Variants in KIAA0825 observed in about 807,000 individuals in gnomAD.
KIAA0825 encodes uncharacterized protein KIAA0825.
A neutral mutation model predicts 147.6 loss-of-function variants in KIAA0825; 119 were observed. The ratio of observed to expected loss-of-function variants is 0.81; its 90% CI spans 0.69 to 0.94. KIAA0825 has a LOEUF of 0.94. Among genes scored for constraint, KIAA0825 ranks in the 40% least tolerant of loss-of-function variants. The probability of loss-of-function intolerance (pLI) is 0.00; values close to 1 mark genes in which losing one functional copy is unlikely to be tolerated. For missense variants in KIAA0825, 1,381 were observed against 1,472.7 expected (o/e 0.94, Z 1.02); for synonymous variants, 470 against 518.1 (o/e 0.91, Z 1.26).
chr5:94,227,614 G>A (rs34068652), intron 20 of KIAA0825, among the ~76,000 whole-genome samples: 15,821 of 150,582 alleles, frequency 0.11, 931 homozygotes, highest in Middle Eastern at 0.15. Flanking sequence ...AAAATATGGC[G>A]CAAATACACC....
chr5:94,301,834 CAAAG>C (rs1466969645), intron 20 of KIAA0825, among the ~76,000 whole-genome samples: 1 of 152,076 alleles, frequency 6.6e-6, no homozygotes, highest in Non-Finnish European at 1.5e-5. Context: ...TAGGTTTTCA[CAAAG>C]AAAGACTAAC....
chr5:94,461,527 T>G (rs1039723899), intron 12 of KIAA0825, among the ~76,000 whole-genome samples: 10 of 151,930 alleles, frequency 6.6e-5, no homozygotes, highest in African/African-American at 2.4e-4. Context: ...GCTCTCAACT[T>G]GGGTTGCTAG....
chr5:94,400,087 TC>T (rs1284848420), intron 16 of KIAA0825, among the ~76,000 whole-genome samples: 1 of 152,096 alleles, frequency 6.6e-6, no homozygotes, highest in Non-Finnish European at 1.5e-5. Flanking sequence ...AACCAGTATA[TC>T]CTTAGCTGTG....
chr5:94,184,712 C>T (rs1258271622), intron 20 of KIAA0825, among the ~76,000 whole-genome samples: 1 of 152,122 alleles, frequency 6.6e-6, no homozygotes, highest in Non-Finnish European at 1.5e-5. Flanking sequence ...TATATATACA[C>T]ATATACACAC....
intron 14 of KIAA0825, among the ~76,000 whole-genome samples, chr5:94,427,301 A>C (rs1755019147): frequency 6.6e-6 from 1 of 152,164 alleles, no homozygotes; most frequent in Admixed American, 6.5e-5. Flanking sequence ...TGGGAGGTCG[A>C]GTAGGGAGGA....
At chr5:94,575,385 A>T (rs957195153) in intron 2 of KIAA0825, among the ~76,000 whole-genome samples, 2 of 152,058 alleles carry the variant, frequency 1.3e-5, no homozygotes, top group African/African-American at 4.8e-5. Context: ...GATAGATCTG[A>T]AATGACTTTC....
intron 20 of KIAA0825, among the ~76,000 whole-genome samples, chr5:94,215,872 T>C (rs1773147449): frequency 6.6e-6 from 1 of 152,024 alleles, no homozygotes; most frequent in Admixed American, 6.6e-5. Flanking sequence ...CCCCTAAGCA[T>C]CCCTGAGGAC....
intron 6 of KIAA0825, among the ~76,000 whole-genome samples, chr5:94,478,740 A>G (rs772475371): frequency 7.2e-5 from 11 of 152,230 alleles, no homozygotes; most frequent in Non-Finnish European, 1.2e-4. Flanking sequence ...TTAAATAAAG[A>G]AAAATGCAAC....
chr5:94,548,891 T>G (rs965641554), intron 2 of KIAA0825, among the ~76,000 whole-genome samples: 8 of 152,202 alleles, frequency 5.3e-5, no homozygotes, highest in African/African-American at 1.9e-4. Flanking sequence ...CAATTATAAA[T>G]ATATATGCAC....
chr5:94,468,084 AG>A (rs1354084257), intron 10 of KIAA0825, among the ~76,000 whole-genome samples: 55 of 152,360 alleles, frequency 3.6e-4, no homozygotes, highest in Non-Finnish European at 6.3e-4. Flanking sequence ...ATGTAATCAC[AG>A]GGTAACTATC....
chr5:94,579,708 T>C (rs764017080), intron 2 of KIAA0825, among the ~76,000 whole-genome samples: 14 of 152,226 alleles, frequency 9.2e-5, no homozygotes, highest in Admixed American at 4.6e-4. Flanking sequence ...ATTGCAGGTA[T>C]ACACTGAGTT....
chr5:94,345,862 T>C (rs983177065), intron 20 of KIAA0825, among the ~76,000 whole-genome samples: 1 of 152,044 alleles, frequency 6.6e-6, no homozygotes, highest in African/African-American at 2.4e-5. Flanking sequence ...CTTAAGGGCT[T>C]ACACCTCTAA....
chr5:94,221,656 C>G (rs1773675297), intron 20 of KIAA0825, among the ~76,000 whole-genome samples: 1 of 152,120 alleles, frequency 6.6e-6, no homozygotes, highest in Non-Finnish European at 1.5e-5. Flanking sequence ...CACAAACAGG[C>G]CTGAACTGAT....
intron 13 of KIAA0825, among the ~76,000 whole-genome samples, chr5:94,449,117 C>A (rs1203579648): frequency 6.6e-6 from 1 of 151,996 alleles, no homozygotes; most frequent in African/African-American, 2.4e-5. Flanking sequence ...AAGGAAACTG[C>A]ATAAACAAAG....
chr5:94,178,310 A>C (rs1159145015), intron 20 of KIAA0825, among the ~76,000 whole-genome samples: 1 of 151,764 alleles, frequency 6.6e-6, no homozygotes. Flanking sequence ...TTTGTGTCTT[A>C]TTGCACTAAC....
intron 2 of KIAA0825, among the ~76,000 whole-genome samples, chr5:94,563,110 G>A (rs1403018871): frequency 6.6e-6 from 1 of 151,938 alleles, no homozygotes; most frequent in African/African-American, 2.4e-5. Flanking sequence ...GGGAGGCCGA[G>A]GTGGGTGTAT....
At chr5:94,355,170 G>A (rs982287175) in intron 20 of KIAA0825, among the ~76,000 whole-genome samples, 1 of 152,180 alleles carries the variant, frequency 6.6e-6, no homozygotes, top group Non-Finnish European at 1.5e-5. Flanking sequence ...TTCTTTTGAT[G>A]TCTCATAGTG....
rs577627039 is a variant in KIAA0825, at chr5:94,496,156, A to G, written c.971-11226T>C. 1.4e-4 allele frequency among the ~76,000 whole-genome samples: 21 copies of G among 152,194 alleles called. 1 individual carries two copies. Among genetic ancestry groups the G allele is most frequent in the Non-Finnish European group, 2.5e-4 (17 of 68,044 alleles). ...AGCTCACGGGGCAAATCTGGCCCAG[A>G]GCCTATTTTGGTGCAGTTGGCAAGC... On this transcript the variant is annotated intron_variant, in intron 5 of 20. Coordinates refer to ENST00000682413, the MANE Select transcript of KIAA0825 (RefSeq NM_001145678.3).
chr5:94,284,965 G>C (rs1777606705), intron 20 of KIAA0825, among the ~76,000 whole-genome samples: 1 of 152,066 alleles, frequency 6.6e-6, no homozygotes, highest in Non-Finnish European at 1.5e-5. Flanking sequence ...AATTTCCTGA[G>C]GGCAGTCTCT....
Sources: allele counts gnomAD v4.1 joint callset (sites outside exome capture counted in the v4.1 genomes callset), GRCh38; gene constraint gnomAD v4.1.1; transcripts MANE v1.5; gene names NCBI Gene and HGNC (gene_info 2026-07-23, HGNC 2026-07-21).